The following PDE4DIP variants were observed in gnomAD, a reference collection of about 807,000 sequenced individuals.
PDE4DIP encodes the protein myomegalin.
PDE4DIP carries 59 observed loss-of-function variants against 221.4 expected under a neutral mutation model. That is an observed-to-expected ratio of 0.27 (90% CI 0.22 to 0.33). PDE4DIP has a LOEUF of 0.33. PDE4DIP is among the 10% of genes least tolerant of loss of function. The probability of loss-of-function intolerance (pLI) is 1.00; values close to 1 mark genes in which losing one functional copy is unlikely to be tolerated. For synonymous variants in PDE4DIP, 404 were observed against 815.9 expected (o/e 0.50, Z 8.60); for missense variants, 1,036 against 2,154.2 (o/e 0.48, Z 10.28).
At chr1:148,949,189 A>G (rs1178857936) in intron 5 of PDE4DIP, among the ~76,000 whole-genome samples, 1 of 152,044 alleles carries the variant, frequency 6.6e-6, no homozygotes, top group East Asian at 1.9e-4. Flanking sequence ...GTACAAAAGC[A>G]GTAAGTACTT....
At chr1:148,922,546 CTG>C (rs1161498939) in intron 1 of PDE4DIP, among the ~76,000 whole-genome samples, 1 of 139,744 alleles carries the variant, frequency 7.2e-6, no homozygotes, top group African/African-American at 2.7e-5. Context: ...CAGAGCAAGA[CTG>C]TCAAAAAAAC....
chr1:149,028,268 T>C (rs587756705), intron 40 of PDE4DIP, among the ~76,000 whole-genome samples: 40 of 148,030 alleles, frequency 2.7e-4, no homozygotes, highest in African/African-American at 8.4e-4. Flanking sequence ...TCCTCTGTGC[T>C]GTGAGAGCTC....
rs781813587 is a variant in PDE4DIP at position 149,029,828 on chromosome 1, A to G, written c.6855A>G (p.Lys2285=). ...GGGAACTTCTGGAACTGAGAACCAA[A>G]GTATCCAAACAGGAGCGACTCCTTC... The change falls in exon 42 of 44, where the codon AAA becomes AAG. Residue 2285 remains lysine (K), a synonymous_variant. Transcript: ENST00000369354. 5.0e-6 allele frequency: 8 copies of G among 1,604,122 alleles called. No homozygotes were observed. The South Asian group carries it at 7.7e-5, about 16-fold the overall frequency.
intron 21 of PDE4DIP, chr1:148,982,852 A>G (rs2061335540): frequency 6.6e-6 from 1 of 151,676 alleles, no homozygotes; most frequent in South Asian, 2.1e-4. Context: ...GGCTTGTATT[A>G]CATTCTAAAT....
chr1:148,969,957 C>G (rs2058899502), intron 14 of PDE4DIP, among the ~76,000 whole-genome samples: 1 of 152,180 alleles, frequency 6.6e-6, no homozygotes, highest in African/African-American at 2.4e-5. Context: ...CCACCCATCT[C>G]AGCCTCCCAA....
At chr1:148,915,336 G>A (rs2043756052) in intron 1 of PDE4DIP, among the ~76,000 whole-genome samples, 1 of 152,298 alleles carries the variant, frequency 6.6e-6, no homozygotes, top group Non-Finnish European at 1.5e-5. Flanking sequence ...CTTTAGTAGA[G>A]ACGGGGTTTC....
intron 1 of PDE4DIP, among the ~76,000 whole-genome samples, chr1:148,925,553 A>T (rs1553465266): frequency 6.8e-6 from 1 of 147,748 alleles, no homozygotes. Flanking sequence ...CTTCAGTAGG[A>T]TTTAGAACAG....
intron 22 of PDE4DIP, chr1:148,992,386 C>T: frequency 6.8e-7 from 1 of 1,479,362 alleles, no homozygotes; most frequent in Non-Finnish European, 9.0e-7. Context: ...GGCGGAGGAC[C>T]TGCTTGGGAA....
At chr1:149,022,710 G>C (rs1312935504) in intron 37 of PDE4DIP, among the ~76,000 whole-genome samples, 1 of 150,756 alleles carries the variant, frequency 6.6e-6, no homozygotes, top group Non-Finnish European at 1.5e-5. Flanking sequence ...CACAGGTCAG[G>C]GTAAAAGTTG....
At chr1:148,852,448 G>GAA (rs67455681) in intron 1 of PDE4DIP, among the ~76,000 whole-genome samples, 3 of 3,544 alleles carry the variant, frequency 8.5e-4, no homozygotes, top group Non-Finnish European at 2.1e-3. Context: ...GACTTTGTCG[G>GAA]AAAAAAAAAA....
At chr1:148,988,167 C>T (rs1173321871) in intron 21 of PDE4DIP, among the ~76,000 whole-genome samples, 4 of 152,108 alleles carry the variant, frequency 2.6e-5, no homozygotes, top group Non-Finnish European at 4.4e-5. Flanking sequence ...CAAGATCATT[C>T]AGATAGTAAC....
At chr1:148,926,624 C>T (rs1413609669) in intron 1 of PDE4DIP, among the ~76,000 whole-genome samples, 18 of 147,266 alleles carry the variant, frequency 1.2e-4, no homozygotes, top group African/African-American at 4.3e-4. Context: ...CCTCACGATC[C>T]TCTCAGGTAG....
chr1:148,981,418 C>G lies in PDE4DIP; in HGVS notation c.2815+21C>G, dbSNP rs186798399. Reference sequence around the variant, plus strand: ...TGGAGGTGGGGAACTGGAAAGTGTGCGAATTCATCACAAGCATGCCTACTG... The same window carrying G: ...TGGAGGTGGGGAACTGGAAAGTGTGGGAATTCATCACAAGCATGCCTACTG... On this transcript the variant is annotated intron_variant, in intron 21 of 43. Coordinates refer to ENST00000369354, the Ensembl canonical transcript of PDE4DIP. The G allele has an allele frequency of 2.4e-4, 388 of 1,613,372 alleles. 1 individual carries two copies. Among genetic ancestry groups the G allele is most frequent in the Non-Finnish European group, 3.1e-4 (369 of 1,179,582 alleles).
chr1:149,010,545 G>T, exon 31 of PDE4DIP: 1 of 1,614,080 alleles, frequency 6.2e-7, no homozygotes, highest in African/African-American at 1.3e-5. Context: ...AACCCCATCA[G>T]CTTGCCAACT....
rs1375931107 is a variant in PDE4DIP, at chr1:148,923,781, T to C, written c.142-5416T>C. Among the ~76,000 whole-genome samples, 9 of 146,306 alleles carry C rather than the reference T, an allele frequency of 6.2e-5. 1 individual carries two copies. Among genetic ancestry groups the C allele is most frequent in the Non-Finnish European group, 1.4e-4 (9 of 66,550 alleles). On this transcript the variant is annotated intron_variant, in intron 1 of 43. Transcript: ENST00000369354. Reference sequence around the variant, plus strand: ...AGCCACCGCGCCCGAGCTGCGGTTATTTGTATCAGACATTGTGCTGGGTAC... The same window carrying C: ...AGCCACCGCGCCCGAGCTGCGGTTACTTGTATCAGACATTGTGCTGGGTAC...
At chr1:148,937,446 C>T (rs2049459638) in intron 4 of PDE4DIP, among the ~76,000 whole-genome samples, 1 of 152,132 alleles carries the variant, frequency 6.6e-6, no homozygotes, top group African/African-American at 2.4e-5. Context: ...ACTACCACCA[C>T]CACCAAAAAA....
At chr1:148,940,595 AC>A in intron 5 of PDE4DIP, among the ~76,000 whole-genome samples, 1 of 151,964 alleles carries the variant, frequency 6.6e-6, no homozygotes. Context: ...CCCATGCACC[AC>A]CCTGAGAGCT....
At chr1:148,948,372 C>A (rs1218120945) in intron 5 of PDE4DIP, among the ~76,000 whole-genome samples, 1 of 151,652 alleles carries the variant, frequency 6.6e-6, no homozygotes, top group African/African-American at 2.4e-5. Context: ...AAAATATTAT[C>A]CTAAGGTGGG....
At chr1:149,013,781 C>CAT (rs2069409888) in intron 32 of PDE4DIP, among the ~76,000 whole-genome samples, 1 of 31,942 alleles carries the variant, frequency 3.1e-5, no homozygotes, top group African/African-American at 1.6e-4. Context: ...CCTTCTTCCT[C>CAT]TTTTTTTTTT....
Sources: gnomAD v4.1 joint callset for allele counts (sites outside exome capture counted in the v4.1 genomes callset) on GRCh38, gnomAD v4.1.1 for gene constraint, MANE v1.5 for transcripts, NCBI Gene and HGNC (gene_info 2026-07-23, HGNC 2026-07-21) for gene names.